The following FIGNL2 variants were observed in gnomAD, a reference collection of about 807,000 sequenced individuals.
The protein encoded by FIGNL2 is fidgetin-like protein 2.
For synonymous variants in FIGNL2, 565 were observed against 484.0 expected, an observed-to-expected ratio of 1.17 and a Z score of -2.20; for missense variants, 1,060 against 950.2, an observed-to-expected ratio of 1.12 and a Z score of -1.52.
At chr12:51,847,214 C>A in intron 1 of FIGNL2, 1 of 985,392 alleles carries the variant, frequency 1.0e-6, no homozygotes, top group Non-Finnish European at 1.2e-6. Context: ...TCGGGGTAGG[C>A]TCCGGGAGGG....
intron 1 of FIGNL2, chr12:51,847,594 G>A (rs1939779060): frequency 2.0e-6 from 2 of 985,342 alleles, no homozygotes; most frequent in African/African-American, 3.5e-5. Flanking sequence ...TGCGCTCCGG[G>A]CCGCCGCTGG....
At chr12:51,822,598 C>A (rs976974250) in intron 1 of FIGNL2, among the ~76,000 whole-genome samples, 174 bp from the exon 2 acceptor site, 1 of 152,186 alleles carries the variant, frequency 6.6e-6, no homozygotes, top group African/African-American at 2.4e-5. Context: ...AAATACACTT[C>A]TTATGTCCCA....
At chr12:51,829,819 AAGAG>A (rs1339284084) in intron 1 of FIGNL2, among the ~76,000 whole-genome samples, 3 of 150,548 alleles carry the variant, frequency 2.0e-5, no homozygotes, top group Non-Finnish European at 4.4e-5. Context: ...AAAAGGAAGG[AAGAG>A]AGGGAGGGAG....
Position 51,831,886 on chromosome 12 carries a change from G to T in FIGNL2, c.-11-9462C>A, listed in dbSNP as rs186913220. ...GACAAGGTCTTGCTCTGTTGCCCAG[G>T]CTACAGTGCAGTAGTGTCCCCATAG... On this transcript the variant is annotated intron_variant, in intron 1 of 1. Coordinates refer to ENST00000618634, the MANE Select transcript of FIGNL2 (RefSeq NM_001384995.1). 1.2e-3 allele frequency: 188 copies of T among 153,668 alleles called. 2 individuals carry two copies. In the Middle Eastern group the frequency reaches 0.027, roughly 22 times the overall value. 9.5% of individuals were successfully genotyped at this position (153,668 alleles called of 1,614,324 possible). A position where few individuals can be genotyped will look rare whatever the true frequency, so the allele number is the denominator to read the frequency against.
At chr12:51,828,678 G>C (rs1361110066) in intron 1 of FIGNL2, among the ~76,000 whole-genome samples, 1 of 152,164 alleles carries the variant, frequency 6.6e-6, no homozygotes, top group African/African-American at 2.4e-5. Context: ...GAGGACCACA[G>C]GCTCTCCATG....
At chr12:51,830,734 G>A (rs770632203) in intron 1 of FIGNL2, among the ~76,000 whole-genome samples, 4 of 151,770 alleles carry the variant, frequency 2.6e-5, no homozygotes, top group Admixed American at 1.3e-4. Context: ...CTCATGATTC[G>A]CCCGCCTTGG....
Position 51,821,946 on chromosome 12 carries a change from G to C in FIGNL2, c.468C>G (p.Pro156=), listed in dbSNP as rs1160000548. The change falls in exon 2 of 2, where the codon CCC becomes CCG. Residue 156 remains proline (P), a synonymous_variant. Coordinates refer to ENST00000618634, the MANE Select transcript of FIGNL2 (RefSeq NM_001384995.1). The part of the protein sequence containing the change: ...GNACGGPSAA[P]EYAAGYGGGY... ...CCCCGCCGTAGCCGGCCGCGTACTC[G>C]GGCGCCGCCGATGGGCCCCCGCACG... 6.6e-7 allele frequency: 1 copy of C among 1,523,012 alleles called. No individual in the cohort carries two copies. 94.3% of individuals were successfully genotyped at this position (1,523,012 alleles called of 1,614,324 possible).
At chr12:51,826,720 C>T (rs568667109) in intron 1 of FIGNL2, among the ~76,000 whole-genome samples, 3 of 151,922 alleles carry the variant, frequency 2.0e-5, no homozygotes, top group South Asian at 2.1e-4. Context: ...AGTTCCATAG[C>T]GCTACATTTT....
intron 1 of FIGNL2, chr12:51,844,957 C>T (rs1939719999): frequency 1.2e-6 from 1 of 808,632 alleles, no homozygotes; most frequent in Non-Finnish European, 1.5e-6. Flanking sequence ...GCAGGCATGA[C>T]TCTGTCCTCA....
In FIGNL2 at chr12:51,821,900, A is replaced by G. The variant is rs1015217711; in HGVS notation, c.514T>C (p.Cys172Arg). 4 of 1,450,698 alleles carry G rather than the reference A, an allele frequency of 2.8e-6. No individual in the cohort carries two copies. Among genetic ancestry groups the G allele is most frequent in the Non-Finnish European group, 3.6e-6 (4 of 1,107,474 alleles). The allele number at this position is 1,450,698 out of a possible 1,614,324, so 89.9% of individuals were successfully genotyped here. ...YGGGYLAPGY[C>R]AQTGAALPPP... is the part of the protein sequence containing the mutation. ...GGCAGCGCGGCGCCCGTCTGCGCGC[A>G]GTAACCCGGCGCCAGGTACCCCCCG... Residue 172 changes from cysteine (C) to arginine (R), a missense_variant, in exon 2 of 2, where the codon TGC becomes CGC. Coordinates refer to ENST00000618634, the MANE Select transcript of FIGNL2 (RefSeq NM_001384995.1).
chr12:51,829,871 GA>G (rs993512782), intron 1 of FIGNL2, among the ~76,000 whole-genome samples: 41 of 151,990 alleles, frequency 2.7e-4, no homozygotes, highest in African/African-American at 9.9e-4. Flanking sequence ...GAATGAAAGA[GA>G]ATGGGAAGGA....
At chr12:51,840,961 T>C (rs767923653) in intron 1 of FIGNL2, among the ~76,000 whole-genome samples, 12 of 152,168 alleles carry the variant, frequency 7.9e-5, no homozygotes, top group Non-Finnish European at 1.0e-4. Context: ...TAGCCCCAAA[T>C]ATGGCCCCTT....
At chr12:51,842,914 C>A (rs1437923709) in intron 1 of FIGNL2, among the ~76,000 whole-genome samples, 1 of 152,190 alleles carries the variant, frequency 6.6e-6, no homozygotes, top group Non-Finnish European at 1.5e-5. Flanking sequence ...GAAGGTGGCA[C>A]CACATCAGAA....
intron 1 of FIGNL2, among the ~76,000 whole-genome samples, chr12:51,828,822 C>T (rs144610023): frequency 5.9e-5 from 9 of 152,382 alleles, no homozygotes; most frequent in Non-Finnish European, 1.2e-4. Context: ...CTTTCTTCAT[C>T]TGTCCATTGA....
intron 1 of FIGNL2, among the ~76,000 whole-genome samples, chr12:51,822,716 G>T (rs554045998): frequency 6.6e-6 from 1 of 152,286 alleles, no homozygotes; most frequent in African/African-American, 2.4e-5. Context: ...TTTTGTCCTG[G>T]CCACTCCAGC....
chr12:51,822,453 A>T, intron 1 of FIGNL2, 29 bp from the exon 2 acceptor site: 1 of 1,609,868 alleles, frequency 6.2e-7, no homozygotes. Context: ...AGGTCTGGTG[A>T]GGTCTAGCCA....
chr12:51,834,102 T>C (rs1939533479), intron 1 of FIGNL2, among the ~76,000 whole-genome samples: 4 of 62,210 alleles, frequency 6.4e-5, no homozygotes, highest in Non-Finnish European at 1.3e-4. Flanking sequence ...GATGGGTGGA[T>C]GGATGGTTGG....
At position 51,821,237 on chromosome 12, in the gene FIGNL2, C is replaced by A. The variant is rs1939177951; in HGVS notation, c.1177G>T (p.Asp393Tyr). 2.6e-6 allele frequency: 4 copies of A among 1,525,208 alleles called. No homozygotes were observed. The highest frequency in any genetic ancestry group is 1.2e-5 in the South Asian group (1 of 83,314). 94.5% of individuals were successfully genotyped at this position (1,525,208 alleles called of 1,614,324 possible). ...VDCGPPVQWA[D>Y]VAGQGALKAA... ...TTGAGCGCGCCCTGGCCCGCCACAT[C>A]CGCCCACTGCACCGGGGGCCCGCAG... Residue 393 changes from aspartate to tyrosine, a missense_variant, in exon 2 of 2, where the codon GAT becomes TAT. Asp to Tyr is a radical substitution (Grantham distance 160). Transcript: ENST00000618634.
chr12:51,836,565 C>T (rs1314333192), intron 1 of FIGNL2, among the ~76,000 whole-genome samples: 2 of 152,080 alleles, frequency 1.3e-5, no homozygotes, highest in Non-Finnish European at 2.9e-5. Flanking sequence ...TGGTGGGGGG[C>T]GGATACTTCA....
Sources: gnomAD v4.1 joint callset for allele counts (sites outside exome capture counted in the v4.1 genomes callset) on GRCh38, gnomAD v4.1.1 for gene constraint, MANE v1.5 for transcripts, NCBI Gene and HGNC (gene_info 2026-07-23, HGNC 2026-07-21) for gene names.